Variants in UGT1A8 observed in about 807,000 individuals in gnomAD.
UGT1A8 encodes UDP glucuronosyltransferase family 1 member A8, also known as UDP-glucuronosyltransferase 1A8.
A neutral mutation model predicts 45.3 loss-of-function variants in UGT1A8; 39 were observed. The ratio of observed to expected loss-of-function variants is 0.86; its 90% CI spans 0.67 to 1.12. The LOEUF (loss-of-function observed/expected upper bound fraction) is 1.12, where lower values mean the gene tolerates loss of function less well. Among genes scored for constraint, UGT1A8 ranks in the 50% most tolerant of loss-of-function variants. UGT1A8 has a pLI of 0.00. For missense variants in UGT1A8, 719 were observed against 664.9 expected, an observed-to-expected ratio of 1.08 and a Z score of -0.90; for synonymous variants, 275 against 249.2, an observed-to-expected ratio of 1.10 and a Z score of -0.97.
chr2:233,638,039 C>T (rs761375568), intron 1 of UGT1A8, among the ~76,000 whole-genome samples: 1 of 152,128 alleles, frequency 6.6e-6, no homozygotes, highest in African/African-American at 2.4e-5. Context: ...TCAATACTTT[C>T]CTTGCGTGAA....
intron 1 of UGT1A8, among the ~76,000 whole-genome samples, chr2:233,734,301 T>TATATACGTATAAATACG (rs2078508917): frequency 6.6e-6 from 1 of 152,170 alleles, no homozygotes; most frequent in Non-Finnish European, 1.5e-5. Context: ...GATTTTCTAG[T>TATATACGTATAAATACG]TTATTTGTGT....
intron 1 of UGT1A8, among the ~76,000 whole-genome samples, chr2:233,726,045 G>A (rs1002009410): frequency 1.3e-5 from 2 of 151,996 alleles, no homozygotes; most frequent in Non-Finnish European, 2.9e-5. Context: ...GCACACCTGT[G>A]GTCCCAGCTA....
chr2:233,657,257 G>A (rs1022490229), intron 1 of UGT1A8, among the ~76,000 whole-genome samples: 1 of 152,112 alleles, frequency 6.6e-6, no homozygotes, highest in Non-Finnish European at 1.5e-5. Flanking sequence ...TGGCGGTTTA[G>A]TTTTTTTGTG....
Position 233,763,798 on chromosome 2 carries a change from A to G in UGT1A8, c.856-3236A>G, listed in dbSNP as rs551390932. ...GAACAACATTGGGAGAAAAGGAATG[A>G]AACTCAAGAATTCCAAGATGTTCCT... On this transcript the variant is annotated intron_variant, in intron 1 of 4. Coordinates refer to ENST00000373450, the MANE Select transcript of UGT1A8 (RefSeq NM_019076.5). Among the ~76,000 whole-genome samples, 8 of 152,368 alleles carry G rather than the reference A, an allele frequency of 5.3e-5. No individual in the cohort carries two copies. The South Asian group carries it at 1.0e-3, about 20-fold the overall frequency.
chr2:233,754,256 G>T (rs1695431509), intron 1 of UGT1A8: 1 of 171,288 alleles, frequency 5.8e-6, no homozygotes, highest in Admixed American at 5.6e-5. Flanking sequence ...AACGGAAAAA[G>T]GTAAGGCTCA....
chr2:233,644,696 C>G (rs747504406), intron 1 of UGT1A8, among the ~76,000 whole-genome samples: 5 of 152,160 alleles, frequency 3.3e-5, no homozygotes, highest in Non-Finnish European at 5.9e-5. Flanking sequence ...TGTCTCCCAC[C>G]AGGGCTCAGG....
intron 1 of UGT1A8, 67 bp downstream of exon 1, chr2:233,618,629 C>T (rs2072946311): frequency 1.3e-6 from 2 of 1,533,960 alleles, no homozygotes; most frequent in Non-Finnish European, 1.7e-6. Context: ...AGATTCCTTA[C>T]TGAATTGTGA....
intron 1 of UGT1A8, among the ~76,000 whole-genome samples, chr2:233,724,444 A>C (rs1289954419): frequency 6.8e-4 from 46 of 67,350 alleles, no homozygotes; most frequent in South Asian, 1.5e-3. Context: ...CTTCTCAGAC[A>C]GGGCAGCTGC....
chr2:233,747,562 T>C (rs1237868574), intron 1 of UGT1A8: 2 of 1,595,464 alleles, frequency 1.3e-6, no homozygotes, highest in South Asian at 1.1e-5. Context: ...ATGGCAATTT[T>C]GAAAAATTCA....
At chr2:233,650,769 C>G (rs1389969935) in intron 1 of UGT1A8, among the ~76,000 whole-genome samples, 1 of 152,176 alleles carries the variant, frequency 6.6e-6, no homozygotes. Context: ...GTGCCTCAAA[C>G]TAGATCCTAT....
chr2:233,651,922 A>G (rs2073752683), intron 1 of UGT1A8, among the ~76,000 whole-genome samples: 1 of 152,334 alleles, frequency 6.6e-6, no homozygotes, highest in East Asian at 1.9e-4. Flanking sequence ...ATTACATCCA[A>G]TGCTGTAATT....
At chr2:233,700,559 AT>A (rs1186450752) in intron 1 of UGT1A8, among the ~76,000 whole-genome samples, 1 of 152,204 alleles carries the variant, frequency 6.6e-6, no homozygotes, top group African/African-American at 2.4e-5. Context: ...GGTTATAAAA[AT>A]ATAACTTTAT....
intron 1 of UGT1A8, among the ~76,000 whole-genome samples, chr2:233,731,386 C>A (rs2125763293): frequency 6.6e-6 from 1 of 152,052 alleles, no homozygotes; most frequent in Admixed American, 6.6e-5. Flanking sequence ...CCTGCACCCA[C>A]CAACTCGTCA....
At chr2:233,714,230 T>C (rs2076374680) in intron 1 of UGT1A8, among the ~76,000 whole-genome samples, 1 of 152,196 alleles carries the variant, frequency 6.6e-6, no homozygotes, top group Non-Finnish European at 1.5e-5. Context: ...GGCAAGATTT[T>C]CAGTAGAAAG....
rs2075952118 is a variant in UGT1A8 at position 233,707,254 on chromosome 2, T to C, written c.856-59780T>C. Among the ~76,000 whole-genome samples, 5 of 152,178 alleles carry C rather than the reference T, an allele frequency of 3.3e-5. No individual in the cohort carries two copies. In the South Asian group the frequency reaches 1.0e-3, roughly 32 times the overall value. On this transcript the variant is annotated intron_variant, in intron 1 of 4. Coordinates refer to ENST00000373450, the MANE Select transcript of UGT1A8 (RefSeq NM_019076.5). The stretch of plus-strand genomic sequence containing the variant: ...ATGATTATTTCTCTTGTGTTTTTCT[T>C]CATCAGCATTTATTTTAAGTTCCAG...
At chr2:233,693,209 G>A (rs868688696) in intron 1 of UGT1A8, 1 of 1,614,180 alleles carries the variant, frequency 6.2e-7, no homozygotes, top group South Asian at 1.1e-5. Flanking sequence ...GCTTTTGAAA[G>A]AATCCAAATA....
chr2:233,730,050 A>G (rs763653483), intron 1 of UGT1A8: 3 of 1,612,234 alleles, frequency 1.9e-6, no homozygotes, highest in Non-Finnish European at 1.7e-6. Context: ...TTTTAAAAAA[A>G]TGTATTTATT....
chr2:233,756,134 A>G (rs1696129657), intron 1 of UGT1A8: 1 of 152,248 alleles, frequency 6.6e-6, no homozygotes, highest in African/African-American at 2.4e-5. Flanking sequence ...TTCTCCTGAA[A>G]AATTACTGGG....
intron 1 of UGT1A8, among the ~76,000 whole-genome samples, chr2:233,711,748 A>G (rs2076195201): frequency 6.6e-6 from 1 of 152,234 alleles, no homozygotes; most frequent in Non-Finnish European, 1.5e-5. Flanking sequence ...ACGGCCAGGC[A>G]TGTAGACACA....
Sources: gnomAD v4.1 joint callset for allele counts (sites outside exome capture counted in the v4.1 genomes callset) on GRCh38, gnomAD v4.1.1 for gene constraint, MANE v1.5 for transcripts, NCBI Gene and HGNC (gene_info 2026-07-23, HGNC 2026-07-21) for gene names.